The following NOX3 variants were observed in gnomAD, a reference collection of about 807,000 sequenced individuals.
NOX3 encodes NADPH oxidase 3, also known as NADPH oxidase catalytic subunit-like 3.
Under a neutral mutation model 76.7 loss-of-function variants are expected in NOX3, and 74 were observed. The observed-to-expected ratio is 0.96, with a 90% CI of 0.80 to 1.17. The LOEUF (loss-of-function observed/expected upper bound fraction) is 1.17. Among genes scored for constraint, NOX3 ranks in the 50% most tolerant of loss-of-function variants. The pLI is 0.00. For synonymous variants in NOX3, 263 were observed against 261.1 expected, an observed-to-expected ratio of 1.01 and a Z score of -0.07; for missense variants, 695 against 703.3, an observed-to-expected ratio of 0.99 and a Z score of 0.13.
At chr6:155,417,177 T>C (rs1776631962) in intron 10 of NOX3, among the ~76,000 whole-genome samples, 1 of 152,198 alleles carries the variant, frequency 6.6e-6, no homozygotes, top group Non-Finnish European at 1.5e-5. Context: ...CCCGAAGTTA[T>C]GCTTTAATGA....
At chr6:155,445,703 AG>A (rs1777050526) in intron 4 of NOX3, among the ~76,000 whole-genome samples, 1 of 151,854 alleles carries the variant, frequency 6.6e-6, no homozygotes, top group African/African-American at 2.4e-5. Flanking sequence ...TGACTTCTCA[AG>A]GATGGACTTT....
In NOX3 at chr6:155,436,508, CAG is replaced by C; in HGVS notation, c.706_707del (p.Leu236AlafsTer7). On this transcript the variant is annotated frameshift_variant, in exon 7 of 14. Transcript: ENST00000159060. LOFTEE classifies it high-confidence loss of function. ...VRGQTQDSLS[L>X]HNITFCRDRY... ...GGTCTCTACAGAAGGTGATGTTGTG[CAG>C]AGAGAGACTGTCTTGGGTTTGGCCT... is the stretch of plus-strand genomic sequence containing the variant. The C allele has an allele frequency of 6.2e-7, 1 of 1,614,106 alleles. No individual in the cohort carries two copies. Among genetic ancestry groups the C allele is most frequent in the Non-Finnish European group, 8.5e-7 (1 of 1,179,970 alleles).
chr6:155,422,636 A>G, intron 10 of NOX3, 58 bp downstream of exon 10: 4 of 1,521,022 alleles, frequency 2.6e-6, no homozygotes, highest in African/African-American at 1.4e-5. Flanking sequence ...CAGATGATAG[A>G]TATAAGGACA....
At chr6:155,444,535 A>G (rs1038925058) in intron 4 of NOX3, among the ~76,000 whole-genome samples, 10 of 152,198 alleles carry the variant, frequency 6.6e-5, no homozygotes, top group African/African-American at 2.2e-4. Context: ...AAAGTTCTCT[A>G]CTTAATAAGG....
intron 10 of NOX3, among the ~76,000 whole-genome samples, chr6:155,417,813 TC>T (rs1448503827): frequency 6.6e-6 from 1 of 152,240 alleles, no homozygotes; most frequent in African/African-American, 2.4e-5. Context: ...TTTTTTGGCC[TC>T]TTTCCCTTGT....
At chr6:155,446,538 G>A (rs1485920129) in intron 4 of NOX3, among the ~76,000 whole-genome samples, 1 of 152,168 alleles carries the variant, frequency 6.6e-6, no homozygotes, top group Non-Finnish European at 1.5e-5. Flanking sequence ...GGAATTTGCT[G>A]TTGATTCGTG....
intron 10 of NOX3, among the ~76,000 whole-genome samples, chr6:155,411,818 G>T (rs1474012235): frequency 4.6e-5 from 7 of 152,140 alleles, no homozygotes; most frequent in African/African-American, 1.7e-4. Context: ...ACTAGCTACG[G>T]CCTCTGGAGA....
chr6:155,451,966 C>T (rs1011702695), intron 4 of NOX3, among the ~76,000 whole-genome samples: 14 of 152,008 alleles, frequency 9.2e-5, no homozygotes, highest in East Asian at 3.9e-4. Context: ...GTTTTTTTCC[C>T]CCTTCTCTCT....
chr6:155,418,628 C>A (rs1776650442), intron 10 of NOX3, among the ~76,000 whole-genome samples: 1 of 108,186 alleles, frequency 9.2e-6, no homozygotes, highest in African/African-American at 3.5e-5. Flanking sequence ...TACTTAGAAA[C>A]AAAGATATTT....
chr6:155,405,856 G>T (rs958902829), intron 12 of NOX3, among the ~76,000 whole-genome samples: 2 of 152,178 alleles, frequency 1.3e-5, no homozygotes, highest in African/African-American at 4.8e-5. Context: ...CCATTCTCTT[G>T]CAGAGTGATC....
At chr6:155,443,231 G>C in intron 5 of NOX3, 42 bp downstream of exon 5, 1 of 1,585,134 alleles carries the variant, frequency 6.3e-7, no homozygotes, top group Non-Finnish European at 8.6e-7. Context: ...GGAAAAGGAC[G>C]GATTTTTCAG....
At chr6:155,399,013 T>C (rs976311200) in intron 12 of NOX3, among the ~76,000 whole-genome samples, 1 of 152,096 alleles carries the variant, frequency 6.6e-6, no homozygotes, top group East Asian at 1.9e-4. Flanking sequence ...TGGTGCGGGG[T>C]GTTAACACAG....
chr6:155,443,269 T>G lies in NOX3; in HGVS notation c.486+4A>C, dbSNP rs2114705082. On this transcript the variant is annotated splice_donor_region_variant and intron_variant, in intron 5 of 13. Transcript: ENST00000159060. ...GAGAAGCTTGTTAGCATGCAGGAAC[T>G]CACTGTGGGGAAGGTCCGGACAGGG... 6.2e-7 allele frequency: 1 copy of G among 1,611,260 alleles called. No individual in the cohort carries two copies. The highest frequency in any genetic ancestry group is 2.2e-5 in the East Asian group (1 of 44,710).
At position 155,396,963 on chromosome 6, in the gene NOX3, C is replaced by G. The variant is rs766434213; in HGVS notation, c.1581-1G>C. 2 of 1,605,040 alleles carry G rather than the reference C, an allele frequency of 1.2e-6. No homozygotes were observed. The highest frequency in any genetic ancestry group is 1.7e-5 in the Admixed American group (1 of 58,318). Reference sequence around the variant, plus strand: ...ACAGAAGAACACGCCAATACTGCTGCTGCAGTAGGGGTAAGAAAAGGAAAT... The same window carrying G: ...ACAGAAGAACACGCCAATACTGCTGGTGCAGTAGGGGTAAGAAAAGGAAAT... On this transcript the variant is annotated splice_acceptor_variant, in intron 12 of 13. Coordinates refer to ENST00000159060, the MANE Select transcript of NOX3 (RefSeq NM_015718.3). LOFTEE classifies it high-confidence loss of function.
Position 155,436,479 on chromosome 6 carries a change from T to G in NOX3, c.737A>C (p.Tyr246Ser). 6.2e-7 allele frequency: 1 copy of G among 1,614,032 alleles called. No individual in the cohort carries two copies. The highest frequency in any genetic ancestry group is 8.5e-7 in the Non-Finnish European group (1 of 1,179,880). The change falls in exon 7 of 14, where the codon TAT becomes TCT. Residue 246 changes from tyrosine to serine, a missense_variant. Physicochemically the swap from Tyr to Ser is moderately radical, Grantham distance 144 (BLOSUM62 -2). Transcript: ENST00000159060. ...LHNITFCRDR[Y>S]AEWQTVAQCP... ...TTGGGCCACTGTCTGCCATTCTGCA[T>G]AGCGGTCTCTACAGAAGGTGATGTT...
intron 11 of NOX3, among the ~76,000 whole-genome samples, chr6:155,410,194 C>T (rs538871885): frequency 6.6e-6 from 1 of 152,318 alleles, no homozygotes; most frequent in African/African-American, 2.4e-5. Context: ...TTAAGAAGGA[C>T]TGCAAATAAG....
chr6:155,416,350 A>G (rs114150265), intron 10 of NOX3, among the ~76,000 whole-genome samples: 1,808 of 152,286 alleles, frequency 0.012, 34 homozygotes, highest in African/African-American at 0.04. Context: ...TAGAAAATAT[A>G]TTACCTCCTC....
chr6:155,441,942 T>C (rs1434441183), intron 5 of NOX3, among the ~76,000 whole-genome samples: 1 of 152,092 alleles, frequency 6.6e-6, no homozygotes, highest in African/African-American at 2.4e-5. Context: ...AAGTGTGAAA[T>C]TTTTGCTTCC....
intron 4 of NOX3, among the ~76,000 whole-genome samples, chr6:155,446,717 C>G (rs1777068901): frequency 6.6e-6 from 1 of 152,158 alleles, no homozygotes; most frequent in Non-Finnish European, 1.5e-5. Flanking sequence ...TGTCTTTAAT[C>G]TAGAGTCCAA....
Sources: allele counts gnomAD v4.1 joint callset (sites outside exome capture counted in the v4.1 genomes callset), GRCh38; gene constraint gnomAD v4.1.1; transcripts MANE v1.5; gene names NCBI Gene and HGNC (gene_info 2026-07-23, HGNC 2026-07-21).